Variants in TERT observed in about 807,000 individuals in gnomAD.
TERT encodes telomerase catalytic subunit.
In TERT, 42 loss-of-function variants were observed where a neutral mutation model predicts 104.0. The ratio of observed to expected loss-of-function variants is 0.40; its 90% CI spans 0.32 to 0.52. The LOEUF (loss-of-function observed/expected upper bound fraction) is 0.52, where lower values mean the gene tolerates loss of function less well. TERT is among the 20% of genes least tolerant of loss of function. The pLI is 0.43. For synonymous variants in TERT, 781 were observed against 725.6 expected, an observed-to-expected ratio of 1.08 and a Z score of -1.23; for missense variants, 1,101 against 1,610.3, an observed-to-expected ratio of 0.68 and a Z score of 5.41.
At position 1,268,956 on chromosome 5, in the gene TERT, T is replaced by A. The variant is rs542849797; in HGVS notation, c.2469-323A>T. The stretch of plus-strand genomic sequence containing the variant: ...ACAGAACCAGACACTTGACCCGGAA[T>A]GAATGCTTAACCGGACTCCTTTTTT... On this transcript the variant is annotated intron_variant, in intron 8 of 15. Transcript: ENST00000310581. The surrounding 1 kb of genome is among the most constrained non-coding windows in gnomAD (Gnocchi z 5.5). Among the ~76,000 whole-genome samples the A allele has an allele frequency of 8.5e-5, 13 of 152,160 alleles. No individual in the cohort carries two copies. Among genetic ancestry groups the A allele is most frequent in the Non-Finnish European group, 7.4e-5 (5 of 67,982 alleles).
At position 1,292,786 on chromosome 5, in the gene TERT, T is replaced by G. The variant is rs1247948498; in HGVS notation, c.1573+527A>C. Among the ~76,000 whole-genome samples, 1 of 152,194 alleles carries G rather than the reference T, an allele frequency of 6.6e-6. No homozygotes were observed. Among genetic ancestry groups the G allele is most frequent in the African/African-American group, 2.4e-5 (1 of 41,454 alleles). On this transcript the variant is annotated intron_variant, in intron 2 of 15. Coordinates refer to ENST00000310581, the MANE Select transcript of TERT (RefSeq NM_198253.3). The surrounding 1 kb of genome is among the most constrained non-coding windows in gnomAD (Gnocchi z 5.5). ...CCTCAGCTTCCCAAAGTGCTGGGATTACCGGCGTGAGCCACCGCACCTGGC... is the reference window on the plus strand; with the variant it reads ...CCTCAGCTTCCCAAAGTGCTGGGATGACCGGCGTGAGCCACCGCACCTGGC...
intron 8 of TERT, 55 bp downstream of exon 8, chr5:1,271,064 C>T: frequency 6.9e-7 from 1 of 1,439,932 alleles, no homozygotes; most frequent in South Asian, 1.2e-5. Flanking sequence ...GAGCAGAAGC[C>T]CTGCCAGCCC....
At chr5:1,291,560 CCGCGCCT>C (rs1750965670) in intron 2 of TERT, among the ~76,000 whole-genome samples, 1 of 116,480 alleles carries the variant, frequency 8.6e-6, no homozygotes, top group Non-Finnish European at 1.8e-5. Flanking sequence ...CACCCGGGGA[CCGCGCCT>C]CACTCACCCT....
Position 1,264,462 on chromosome 5 carries a change from G to A in TERT, c.2785C>T (p.Pro929Ser). ...FVQMPAHGLF[P>S]WCGLLLDTRT... ...GTATCCAGCAGCAGGCCGCACCAGG[G>A]GAATAGGCCGTGGGCCGGCATCTGA... is the stretch of plus-strand genomic sequence containing the variant. The change falls in exon 11 of 16, where the codon CCC becomes TCC. Residue 929 changes from proline (P) to serine (S), a missense_variant. Transcript: ENST00000310581. The A allele has an allele frequency of 6.2e-7, 1 of 1,613,848 alleles. No homozygotes were observed. The highest frequency in any genetic ancestry group is 8.5e-7 in the Non-Finnish European group (1 of 1,180,030).
intron 6 of TERT, among the ~76,000 whole-genome samples, chr5:1,275,069 C>T (rs1221200513): frequency 2.0e-5 from 3 of 152,152 alleles, no homozygotes; most frequent in Non-Finnish European, 4.4e-5. Flanking sequence ...GCAGATCTCA[C>T]GGAAGCTGCA....
Position 1,293,616 on chromosome 5 carries a change from C to T in TERT, c.1270G>A (p.Gly424Ser), listed in dbSNP as rs374180689. 3.9e-6 allele frequency: 6 copies of T among 1,549,996 alleles called. No homozygotes were observed. The African/African-American group carries it at 6.8e-5, about 18-fold the overall frequency. Residue 424 changes from glycine to serine, a missense_variant, in exon 2 of 16, where the codon GGT becomes AGT. Physicochemically the swap from Gly to Ser is moderately conservative, Grantham distance 56 (BLOSUM62 0). Coordinates refer to ENST00000310581, the MANE Select transcript of TERT (RefSeq NM_198253.3). ...PLRAAVTPAA[G>S]VCAREKPQGS... The stretch of plus-strand genomic sequence containing the variant: ...TGGGGCTTCTCCCGGGCACAGACAC[C>T]GGCTGCTGGGGTGACCGCAGCTCGC...
intron 2 of TERT, among the ~76,000 whole-genome samples, chr5:1,289,799 G>A (rs1226155347): frequency 4.7e-5 from 5 of 106,760 alleles, no homozygotes; most frequent in Admixed American, 2.6e-4. Context: ...CCCGGGGACC[G>A]CGCCTCACTC....
At position 1,292,156 on chromosome 5, in the gene TERT, G is replaced by T. The variant is rs956332095; in HGVS notation, c.1573+1157C>A. ...AAAGAAAAAAAAGAGCCCCAAGAAG[G>T]TCACCCTCCTTGTCTGCATGGCCGG... On this transcript the variant is annotated intron_variant, in intron 2 of 15. Transcript: ENST00000310581. The surrounding 1 kb of genome is among the most constrained non-coding windows in gnomAD (Gnocchi z 5.5). Among the ~76,000 whole-genome samples, 2 of 152,162 alleles carry T rather than the reference G, an allele frequency of 1.3e-5. No homozygotes were observed. Among genetic ancestry groups the T allele is most frequent in the African/African-American group, 2.4e-5 (1 of 41,422 alleles).
chr5:1,259,053 G>A (rs1320684983), intron 12 of TERT, among the ~76,000 whole-genome samples: 1 of 150,544 alleles, frequency 6.6e-6, no homozygotes, highest in Non-Finnish European at 1.5e-5. Context: ...ACGCCCACAG[G>A]AGAGAGGGAA....
Position 1,287,507 on chromosome 5 carries a change from A to AT in TERT, c.1574-4884_1574-4883insA, listed in dbSNP as rs1561208855. Among the ~76,000 whole-genome samples the AT allele has an allele frequency of 9.9e-3, 1,317 of 132,616 alleles. 11 individuals are homozygous for AT. The highest frequency in any genetic ancestry group is 0.015 in the Middle Eastern group (4 of 266). The allele number at this position is 132,616 out of a possible 152,430, so 87.0% of individuals were successfully genotyped here. On this transcript the variant is annotated intron_variant, in intron 2 of 15. Transcript: ENST00000310581. The surrounding 1 kb of genome is among the most constrained non-coding windows in gnomAD (Gnocchi z 4.3). ...ACCAAGACTCTGTCTCAAAAAAAAA[A>AT]AATATATATATATATATATAAATTA... is the stretch of plus-strand genomic sequence containing the variant.
rs769553764 is a variant in TERT at position 1,278,707 on chromosome 5, G to A, written c.2220C>T (p.Cys740=). Residue 740 remains cysteine, a synonymous_variant, in exon 6 of 16, where the codon TGC becomes TGT. Transcript: ENST00000310581. ...ASIIKPQNTY[C]VRRYAVVQKA... ...TCTGGACCACGGCATACCGACGCAC[G>A]CAGTACGTGTTCTGGGGTTTGATGA... 35 of 1,614,054 alleles carry A rather than the reference G, an allele frequency of 2.2e-5. No individual in the cohort carries two copies. The highest frequency in any genetic ancestry group is 8.8e-5 in the South Asian group (8 of 91,086).
chr5:1,268,300 C>A lies in TERT; in HGVS notation c.2582+220G>T, dbSNP rs538306685. Among the ~76,000 whole-genome samples, 4 of 152,372 alleles carry A rather than the reference C, an allele frequency of 2.6e-5. No individual in the cohort carries two copies. The highest frequency in any genetic ancestry group is 9.6e-5 in the African/African-American group (4 of 41,602). On this transcript the variant is annotated intron_variant, in intron 9 of 15. Coordinates refer to ENST00000310581, the MANE Select transcript of TERT (RefSeq NM_198253.3). This position sits in a 1 kb window ranked among gnomAD's most constrained non-coding sequence, Gnocchi z 5.5. Reference sequence around the variant, plus strand: ...CCCTCCCGCCTGCTGAGCCCTGAGGCCTCTGGACATGGCCGCTGGACAGAG... The same window carrying A: ...CCCTCCCGCCTGCTGAGCCCTGAGGACTCTGGACATGGCCGCTGGACAGAG...
intron 2 of TERT, among the ~76,000 whole-genome samples, chr5:1,291,773 C>T (rs1296525100): frequency 3.3e-5 from 5 of 152,288 alleles, no homozygotes; most frequent in Admixed American, 6.5e-5. Context: ...CCGGGGACCA[C>T]GCCTCACTCC....
At chr5:1,275,379 A>G (rs1474345835) in intron 6 of TERT, among the ~76,000 whole-genome samples, 2 of 150,592 alleles carry the variant, frequency 1.3e-5, no homozygotes, top group African/African-American at 4.9e-5. Flanking sequence ...CTGTTATCAA[A>G]AAAAAAAAAA....
rs1257004920 is a variant in TERT at position 1,253,703 on chromosome 5, C to A, written c.*25G>T. Reference sequence around the variant, plus strand: ...TGACAGGGCTGCTGGTGTCTGCTCTCGGCCTGGCTGTGGGCGGGTGGCCAT... The same window carrying A: ...TGACAGGGCTGCTGGTGTCTGCTCTAGGCCTGGCTGTGGGCGGGTGGCCAT... On this transcript the variant is annotated 3_prime_UTR_variant, in exon 16 of 16. Coordinates refer to ENST00000310581, the MANE Select transcript of TERT (RefSeq NM_198253.3). 6.3e-7 allele frequency: 1 copy of A among 1,590,032 alleles called. No individual in the cohort carries two copies. The highest frequency in any genetic ancestry group is 1.7e-5 in the Admixed American group (1 of 58,208).
At chr5:1,280,047 C>T in intron 4 of TERT, 111 bp downstream of exon 4, 3 of 1,409,724 alleles carry the variant, frequency 2.1e-6, no homozygotes, top group Middle Eastern at 2.0e-4. Context: ...GTGCCATGGC[C>T]CTGGCTGTGT....
chr5:1,272,538 A>T (rs1749134853), intron 6 of TERT, among the ~76,000 whole-genome samples: 1 of 129,166 alleles, frequency 7.7e-6, no homozygotes, highest in African/African-American at 3.7e-5. Flanking sequence ...ATCCACAGTC[A>T]CCACATCAGA....
Position 1,268,622 on chromosome 5 carries a change from T to C in TERT, c.2480A>G (p.Gln827Arg). 1 of 1,612,316 alleles carries C rather than the reference T, an allele frequency of 6.2e-7. No homozygotes were observed. The highest frequency in any genetic ancestry group is 1.1e-5 in the South Asian group (1 of 91,062). Residue 827 changes from glutamine (Q) to arginine (R), a missense_variant, in exon 9 of 16, where the codon CAG becomes CGG. Transcript: ENST00000310581. This position sits in a 1 kb window ranked among gnomAD's most constrained non-coding sequence, Gnocchi z 5.5. ...AVRIRGKSYV[Q>R]CQGIPQGSIL... is the part of the protein sequence containing the mutation. ...GGAGCCCTGCGGGATCCCCTGGCAC[T>C]GGACGTAGGACCTGGGGCGGGAAGA...
At chr5:1,264,144 C>T (rs552251678) in intron 11 of TERT, 86 of 541,362 alleles carry the variant, frequency 1.6e-4, no homozygotes, top group Middle Eastern at 1.5e-3. Context: ...TCTGAAGACA[C>T]CTCAGTGCAC....
Sources: gnomAD v4.1 joint callset for allele counts (sites outside exome capture counted in the v4.1 genomes callset) on GRCh38, gnomAD v4.1.1 for gene constraint, Gnocchi (gnomAD v3.1) non-coding constraint, MANE v1.5 for transcripts, NCBI Gene and HGNC (gene_info 2026-07-23, HGNC 2026-07-21) for gene names.